FYB1: variants seen among roughly 807,000 people sequenced by gnomAD.
The protein encoded by FYB1 is FYN-binding protein 1.
Under a neutral mutation model 94.1 loss-of-function variants are expected in FYB1, and 41 were observed. The observed-to-expected ratio is 0.44, with a 90% CI of 0.34 to 0.57. The LOEUF is 0.57. Among genes scored for constraint, FYB1 ranks in the 20% least tolerant of loss-of-function variants. The pLI, the probability that FYB1 is intolerant of heterozygous loss-of-function variation, is 0.02. For missense variants in FYB1, 1,050 were observed against 976.8 expected (o/e 1.07, Z -1.00); for synonymous variants, 367 against 353.2 (o/e 1.04, Z -0.44).
At chr5:39,142,855 C>T (rs986281824) in intron 3 of FYB1, among the ~76,000 whole-genome samples, 2 of 152,172 alleles carry the variant, frequency 1.3e-5, no homozygotes, top group Admixed American at 1.3e-4. Flanking sequence ...CTTTGTGGCC[C>T]TGGACAGTAT....
At chr5:39,129,505 A>G (rs998628856) in intron 10 of FYB1, among the ~76,000 whole-genome samples, 1 of 152,120 alleles carries the variant, frequency 6.6e-6, no homozygotes, top group Non-Finnish European at 1.5e-5. Context: ...GCAATCAACC[A>G]ACAGAGTGAA....
At chr5:39,109,225 A>G (rs546987334) in intron 17 of FYB1, among the ~76,000 whole-genome samples, 2 of 152,028 alleles carry the variant, frequency 1.3e-5, no homozygotes, top group East Asian at 3.9e-4. Flanking sequence ...TTCTGTTTGG[A>G]TCTTTTCTCT....
rs117990867 is a variant in FYB1, at chr5:39,155,000, C to A, written c.1136-1396G>T. Among the ~76,000 whole-genome samples, 1,606 of 152,090 alleles carry A rather than the reference C, an allele frequency of 0.011. 65 individuals are homozygous for A. In the East Asian group the frequency reaches 0.14, roughly 13 times the overall value. ...ATTAAGGATATTAATCTTTTTGTTT[C>A]TTAACTGGACCAACTGAATGTAATT... On this transcript the variant is annotated intron_variant, in intron 2 of 18. Coordinates refer to ENST00000512982, the MANE Select transcript of FYB1 (RefSeq NM_001465.6).
chr5:39,230,325 A>G (rs1750664895), intron 1 of FYB1, among the ~76,000 whole-genome samples: 1 of 152,180 alleles, frequency 6.6e-6, no homozygotes, highest in Non-Finnish European at 1.5e-5. Context: ...TCAAGCTGAA[A>G]TAAGGCCATG....
Position 39,224,959 on chromosome 5 carries a change from A to C in FYB1, c.-27-21972T>G, listed in dbSNP as rs548867897. On this transcript the variant is annotated intron_variant, in intron 1 of 1. Transcript: ENST00000510188. ...TGCATTTATATTACGGAAAGTTATA[A>C]GGGACTTGAATACCTTCCAGAGGTT... Among the ~76,000 whole-genome samples, 114 of 152,314 alleles carry C rather than the reference A, an allele frequency of 7.5e-4. 1 individual carries two copies. In the Middle Eastern group the frequency reaches 0.014, roughly 18 times the overall value.
chr5:39,236,528 C>T (rs1054160285), intron 1 of FYB1, among the ~76,000 whole-genome samples: 1 of 151,970 alleles, frequency 6.6e-6, no homozygotes, highest in Non-Finnish European at 1.5e-5. Flanking sequence ...ATGCCATATC[C>T]ATAGAGATAT....
chr5:39,130,971 C>T (rs1304563899), intron 9 of FYB1, among the ~76,000 whole-genome samples: 2 of 152,056 alleles, frequency 1.3e-5, no homozygotes, highest in African/African-American at 4.8e-5. Flanking sequence ...ATTATTATTC[C>T]ATAAGTCACA....
At chr5:39,258,717 A>G (rs1009597555) in intron 1 of FYB1, among the ~76,000 whole-genome samples, 1 of 152,194 alleles carries the variant, frequency 6.6e-6, no homozygotes, top group African/African-American at 2.4e-5. Context: ...TTAGTAAATG[A>G]AAGCTTTTGG....
intron 1 of FYB1, among the ~76,000 whole-genome samples, chr5:39,261,323 C>T (rs1165760316): frequency 3.8e-5 from 3 of 78,136 alleles, no homozygotes; most frequent in East Asian, 3.4e-4. Flanking sequence ...AAAAAAAGAA[C>T]GTGTGTAGAT....
At chr5:39,207,786 C>T (rs181839524) in intron 1 of FYB1, among the ~76,000 whole-genome samples, 7 of 151,790 alleles carry the variant, frequency 4.6e-5, no homozygotes, top group South Asian at 2.1e-4. Context: ...GGGGGTGGGC[C>T]GGGGAATTTC....
At chr5:39,119,747 T>A (rs1739913722) in intron 14 of FYB1, 113 bp from the exon 15 acceptor site, 1 of 1,241,640 alleles carries the variant, frequency 8.1e-7, no homozygotes, top group African/African-American at 1.5e-5. Context: ...TTCAGTTAAT[T>A]CTTTTTGTTA....
chr5:39,207,816 A>T (rs951596773), intron 1 of FYB1, among the ~76,000 whole-genome samples: 2 of 152,162 alleles, frequency 1.3e-5, no homozygotes, highest in Admixed American at 6.5e-5. Context: ...GATGTTTATC[A>T]ATGTCTGGAA....
rs370244282 is a variant in FYB1, at chr5:39,134,234, A to G, written c.1791T>C (p.Asp597=). Residue 597 remains aspartate, a synonymous_variant, in exon 9 of 19, where the codon GAT becomes GAC. Coordinates refer to ENST00000512982, the MANE Select transcript of FYB1 (RefSeq NM_001465.6). ...PIEDDQEVYD[D]VAEQDDISSH... ...TGCTAATATCATCCTGCTCTGCAACATCATCATATACTTCTTGGTCATCTT... is the reference window on the plus strand; with the variant it reads ...TGCTAATATCATCCTGCTCTGCAACGTCATCATATACTTCTTGGTCATCTT... 4 of 1,612,188 alleles carry G rather than the reference A, an allele frequency of 2.5e-6. No individual in the cohort carries two copies. In the African/African-American group the frequency reaches 5.3e-5, roughly 22 times the overall value.
intron 1 of FYB1, among the ~76,000 whole-genome samples, chr5:39,270,385 A>G (rs936953217): frequency 4.6e-5 from 7 of 152,194 alleles, no homozygotes; most frequent in Admixed American, 1.3e-4. Context: ...TCTTGAAGCC[A>G]TGTCTCTCAA....
At chr5:39,113,558 G>A (rs1375390575) in intron 16 of FYB1, among the ~76,000 whole-genome samples, 1 of 152,032 alleles carries the variant, frequency 6.6e-6, no homozygotes, top group Non-Finnish European at 1.5e-5. Flanking sequence ...ATGTGTCTCA[G>A]GATGAATGAC....
intron 2 of FYB1, among the ~76,000 whole-genome samples, chr5:39,182,088 A>G (rs768010432): frequency 6.8e-6 from 1 of 147,186 alleles, no homozygotes; most frequent in Non-Finnish European, 1.5e-5. Flanking sequence ...CCTCATGTTT[A>G]GGCTTAAGCC....
intron 1 of FYB1, among the ~76,000 whole-genome samples, chr5:39,246,786 T>C (rs1385402292): frequency 6.6e-6 from 1 of 152,080 alleles, no homozygotes; most frequent in Non-Finnish European, 1.5e-5. Flanking sequence ...GATGTTTATG[T>C]TACAGAGTCA....
intron 1 of FYB1, among the ~76,000 whole-genome samples, chr5:39,260,126 G>A (rs774359134): frequency 6.6e-5 from 10 of 152,182 alleles, no homozygotes; most frequent in African/African-American, 9.7e-5. Flanking sequence ...GCTTTAATAG[G>A]AGCTTTAGAC....
intron 1 of FYB1, among the ~76,000 whole-genome samples, chr5:39,254,071 A>C (rs1751840062): frequency 6.6e-6 from 1 of 152,160 alleles, no homozygotes; most frequent in Admixed American, 6.5e-5. Context: ...TATATGTACC[A>C]CGTTTTCTTT....
Sources: allele counts gnomAD v4.1 joint callset (sites outside exome capture counted in the v4.1 genomes callset), GRCh38; gene constraint gnomAD v4.1.1; transcripts MANE v1.5; gene names NCBI Gene and HGNC (gene_info 2026-07-23, HGNC 2026-07-21).